Variants in DLG2 observed in about 807,000 individuals in gnomAD.
The protein encoded by DLG2 is discs large MAGUK scaffold protein 2.
Under a neutral mutation model 132.5 loss-of-function variants are expected in DLG2, and 45 were observed. The ratio of observed to expected loss-of-function variants is 0.34; its 90% confidence interval spans 0.27 to 0.44. The LOEUF (loss-of-function observed/expected upper bound fraction) is 0.44. Ranked by LOEUF, DLG2 falls within the 20% of genes least tolerant of loss-of-function variation. The pLI, the probability that DLG2 is intolerant of heterozygous loss-of-function variation, is 1.00. For missense variants in DLG2, 1,045 were observed against 1,196.9 expected (o/e 0.87, Z 1.87); for synonymous variants, 424 against 419.6 (o/e 1.01, Z -0.13).
chr11:84,990,311 T>C (rs1244601940), intron 6 of DLG2, among the ~76,000 whole-genome samples: 1 of 152,206 alleles, frequency 6.6e-6, no homozygotes, highest in Non-Finnish European at 1.5e-5. Flanking sequence ...TAATCCCCAG[T>C]GCAATGCATT....
At chr11:84,502,211 C>CTTCCTTCCTTCCTTCCTTCCTTCCT (rs2099212029) in intron 7 of DLG2, among the ~76,000 whole-genome samples, 1 of 1,678 alleles carries the variant, frequency 6.0e-4, no homozygotes. Context: ...TCCTTCCTTC[C>CTTCCTTCCTTCCTTCCTTCCTTCCT]TTCCTTCCTT....
chr11:84,713,917 C>G (rs1252036696), intron 6 of DLG2, among the ~76,000 whole-genome samples: 1 of 151,914 alleles, frequency 6.6e-6, no homozygotes, highest in Non-Finnish European at 1.5e-5. Flanking sequence ...AACTGTTATA[C>G]AGCAATTAAA....
rs375077204 is a variant in DLG2, at chr11:83,720,259, C to T, written c.1825+66431G>A. ...AATGAGCCAACATCACACCACTGCA[C>T]TCCAGCCTGGGTGACAGAGTGAGAC... On this transcript the variant is annotated intron_variant, in intron 18 of 27. Transcript: ENST00000376104. 3.3e-5 allele frequency among the ~76,000 whole-genome samples: 4 copies of T among 120,764 alleles called. No individual in the cohort carries two copies. The East Asian group carries it at 8.0e-4, about 24-fold the overall frequency. 79.2% of individuals were successfully genotyped at this position (120,764 alleles called of 152,430 possible). A position where few individuals can be genotyped will look rare whatever the true frequency, so the allele number is the denominator to read the frequency against.
At chr11:84,577,000 G>A (rs1477509058) in intron 6 of DLG2, among the ~76,000 whole-genome samples, 1 of 152,074 alleles carries the variant, frequency 6.6e-6, no homozygotes, top group East Asian at 1.9e-4. Flanking sequence ...GAATCATGGG[G>A]CCAGTCTTTC....
At chr11:84,050,911 GT>G (rs1262722643) in intron 11 of DLG2, among the ~76,000 whole-genome samples, 3 of 151,872 alleles carry the variant, frequency 2.0e-5, no homozygotes, top group Non-Finnish European at 2.9e-5. Context: ...TGCTGTTTTG[GT>G]TACTGTAGCC....
At chr11:84,363,939 A>T (rs1471017685) in intron 7 of DLG2, among the ~76,000 whole-genome samples, 1 of 152,174 alleles carries the variant, frequency 6.6e-6, no homozygotes, top group Admixed American at 6.5e-5. Context: ...GAAGTCAGGT[A>T]GCATGATGCC....
chr11:84,654,227 C>T (rs568791749), intron 6 of DLG2, among the ~76,000 whole-genome samples: 2 of 152,148 alleles, frequency 1.3e-5, no homozygotes, highest in Non-Finnish European at 2.9e-5. Flanking sequence ...TTTTGTGACA[C>T]TCACCTCATC....
At chr11:83,873,542 A>G (rs1263686689) in intron 16 of DLG2, among the ~76,000 whole-genome samples, 3 of 152,142 alleles carry the variant, frequency 2.0e-5, no homozygotes, top group African/African-American at 7.2e-5. Context: ...ATCTGCCATG[A>G]TTGTGAGGCC....
At chr11:84,919,846 A>C (rs1289781635) in intron 6 of DLG2, among the ~76,000 whole-genome samples, 1 of 152,214 alleles carries the variant, frequency 6.6e-6, no homozygotes, top group African/African-American at 2.4e-5. Context: ...CTTTTCCTAT[A>C]ATATAGACAA....
intron 3 of DLG2, among the ~76,000 whole-genome samples, chr11:85,391,816 C>T (rs1793761788): frequency 6.6e-6 from 1 of 152,136 alleles, no homozygotes; most frequent in Non-Finnish European, 1.5e-5. Flanking sequence ...CTATGACAAA[C>T]CCACAGTGAA....
chr11:83,594,601 T>C (rs193059696), intron 19 of DLG2, among the ~76,000 whole-genome samples: 29 of 152,294 alleles, frequency 1.9e-4, no homozygotes, highest in Middle Eastern at 6.8e-3. Context: ...CAGGGAAAAC[T>C]ATCTAAGAAT....
intron 9 of DLG2, among the ~76,000 whole-genome samples, chr11:84,128,859 C>T (rs146915647): frequency 2.6e-5 from 4 of 152,242 alleles, no homozygotes; most frequent in Admixed American, 6.5e-5. Context: ...TTTAAAAGTA[C>T]TTCCTCCAAC....
chr11:83,604,743 TG>T (rs1228691068), intron 19 of DLG2, among the ~76,000 whole-genome samples: 1 of 152,130 alleles, frequency 6.6e-6, no homozygotes, highest in African/African-American at 2.4e-5. Context: ...TACACATGTG[TG>T]GGGGCAGGGT....
chr11:84,561,126 A>T (rs1456672537), intron 6 of DLG2, among the ~76,000 whole-genome samples: 5 of 152,128 alleles, frequency 3.3e-5, no homozygotes, highest in African/African-American at 1.2e-4. Context: ...AGTGAGTAGG[A>T]CATATAGTTC....
At chr11:83,791,786 C>G (rs1178055643) in intron 17 of DLG2, among the ~76,000 whole-genome samples, 3 of 152,164 alleles carry the variant, frequency 2.0e-5, no homozygotes, top group Non-Finnish European at 2.9e-5. Context: ...GGCCGGGCTA[C>G]GCTTCCTCTC....
At chr11:84,742,531 A>G (rs757806748) in intron 6 of DLG2, among the ~76,000 whole-genome samples, 1 of 152,216 alleles carries the variant, frequency 6.6e-6, no homozygotes, top group African/African-American at 2.4e-5. Context: ...CCAAATTGAG[A>G]GAAAGGTACA....
At chr11:84,426,620 A>G (rs189189232) in intron 7 of DLG2, among the ~76,000 whole-genome samples, 1 of 152,268 alleles carries the variant, frequency 6.6e-6, no homozygotes, top group Non-Finnish European at 1.5e-5. Flanking sequence ...TAATGTTATT[A>G]TTATTATCTA....
chr11:83,851,843 C>A (rs1397136658), intron 16 of DLG2, among the ~76,000 whole-genome samples: 1 of 151,786 alleles, frequency 6.6e-6, no homozygotes, highest in African/African-American at 2.4e-5. Flanking sequence ...TGCTTGAACC[C>A]AGGAGGCGGA....
intron 6 of DLG2, among the ~76,000 whole-genome samples, chr11:84,675,563 C>A (rs1350858350): frequency 6.6e-6 from 1 of 152,060 alleles, no homozygotes; most frequent in Non-Finnish European, 1.5e-5. Context: ...TTTGTTTGCT[C>A]TAGTTTACCT....
Sources: gnomAD v4.1 joint callset for allele counts (sites outside exome capture counted in the v4.1 genomes callset) on GRCh38, gnomAD v4.1.1 for gene constraint, MANE v1.5 for transcripts, NCBI Gene and HGNC (gene_info 2026-07-23, HGNC 2026-07-21) for gene names.